The following NFIA variants were observed in gnomAD, a reference collection of about 807,000 sequenced individuals.
NFIA encodes the protein nuclear factor 1 A-type.
In NFIA, 8 loss-of-function variants were observed where a neutral mutation model predicts 62.8. That is an observed-to-expected ratio of 0.13 (90% CI 0.07 to 0.23). The LOEUF is 0.23. Among genes scored for constraint, NFIA ranks in the 10% least tolerant of loss-of-function variants. NFIA has a pLI of 1.00. For synonymous variants in NFIA, 235 were observed against 238.1 expected (o/e 0.99, Z 0.12); for missense variants, 410 against 642.1 (o/e 0.64, Z 3.91).
At position 61,288,831 on chromosome 1, in the gene NFIA, G is replaced by A. The variant is rs141298883; in HGVS notation, c.625+11246G>A. Among the ~76,000 whole-genome samples, 489 of 152,276 alleles carry A rather than the reference G, an allele frequency of 3.2e-3. 5 individuals carry two copies. The highest frequency in any genetic ancestry group is 0.011 in the African/African-American group (460 of 41,560). ...TGCCTAGGCTGGAGTGCAGTGGTAT[G>A]ATCATGGCTCACTGCAGCCTCAACC... On this transcript the variant is annotated intron_variant, in intron 3 of 10. Coordinates refer to ENST00000403491, the MANE Select transcript of NFIA (RefSeq NM_001134673.4).
At chr1:61,421,955 T>C (rs967738794) in intron 9 of NFIA, among the ~76,000 whole-genome samples, 21 of 152,208 alleles carry the variant, frequency 1.4e-4, no homozygotes, top group African/African-American at 4.8e-4. Flanking sequence ...ATTAATATTA[T>C]TTTTATCTTA....
At chr1:61,281,436 G>A (rs772783205) in intron 3 of NFIA, among the ~76,000 whole-genome samples, 1 of 152,200 alleles carries the variant, frequency 6.6e-6, no homozygotes, top group Non-Finnish European at 1.5e-5. Flanking sequence ...AAAGCTGGGA[G>A]CCTTGGAGTG....
rs144790774 is a variant in NFIA, at chr1:61,363,840, T to C, written c.946+4566T>C. Among the ~76,000 whole-genome samples, 121 of 152,202 alleles carry C rather than the reference T, an allele frequency of 7.9e-4. 2 individuals carry two copies. Among genetic ancestry groups the C allele is most frequent in the East Asian group, 6.2e-3 (32 of 5,182 alleles). On this transcript the variant is annotated intron_variant, in intron 6 of 10. Transcript: ENST00000403491. ...CTCAGCAGTTAGGTCTTTGTTCAAA[T>C]AGTAGCTCATCACACAGGCCCTCAG...
At chr1:61,407,235 G>A (rs1174922665) in intron 9 of NFIA, among the ~76,000 whole-genome samples, 1 of 152,170 alleles carries the variant, frequency 6.6e-6, no homozygotes, top group Non-Finnish European at 1.5e-5. Flanking sequence ...GAGCCTGGCA[G>A]AAGATCAATG....
chr1:61,451,551 TCCCTCCCCACTC>T (rs968501479), intron 10 of NFIA, among the ~76,000 whole-genome samples: 4 of 152,174 alleles, frequency 2.6e-5, no homozygotes, highest in African/African-American at 9.6e-5. Flanking sequence ...TCACCCCACT[TCCCTCCCCACTC>T]CCGCTCAGCA....
At chr1:61,295,545 G>A (rs1313064531) in intron 3 of NFIA, among the ~76,000 whole-genome samples, 1 of 152,116 alleles carries the variant, frequency 6.6e-6, no homozygotes, top group Non-Finnish European at 1.5e-5. Context: ...ATTGGAGCTT[G>A]GCAAGTGCAA....
chr1:61,234,991 G>A (rs1298689506), intron 2 of NFIA, among the ~76,000 whole-genome samples: 1 of 152,112 alleles, frequency 6.6e-6, no homozygotes, highest in Non-Finnish European at 1.5e-5. Flanking sequence ...CTTCCTGGTA[G>A]GTCCTGTCTT....
intron 2 of NFIA, among the ~76,000 whole-genome samples, chr1:61,123,028 C>G (rs542604127): frequency 2.6e-4 from 40 of 152,328 alleles, no homozygotes; most frequent in African/African-American, 9.6e-4. Flanking sequence ...TGTGGGACTT[C>G]TAACCCCTAA....
At chr1:61,255,046 A>C (rs990590588) in intron 2 of NFIA, among the ~76,000 whole-genome samples, 1 of 152,216 alleles carries the variant, frequency 6.6e-6, no homozygotes, top group Non-Finnish European at 1.5e-5. Flanking sequence ...AGAAGCCCAG[A>C]GGCTGTATAT....
At position 61,143,526 on chromosome 1, in the gene NFIA, G is replaced by T. The variant is rs185142176; in HGVS notation, c.559+54846G>T. ...CACCTCAGCCTCCCAGGTAACTGGG[G>T]CTACAGGTGTCTGCCACCACACCTG... is the stretch of plus-strand genomic sequence containing the variant. On this transcript the variant is annotated intron_variant, in intron 2 of 10. Transcript: ENST00000403491. 9.5e-4 allele frequency among the ~76,000 whole-genome samples: 144 copies of T among 152,114 alleles called. 4 individuals carry two copies. In the East Asian group the frequency reaches 0.018, roughly 19 times the overall value.
In NFIA at chr1:61,383,289, C is replaced by T. The variant is rs1335074938; in HGVS notation, c.999C>T (p.Ser333=). ...AGTCGGAGAAGTCTGGTTTCAGCAG[C>T]CCCTCCCCTTCACAGACCTCCTCCC... is the stretch of plus-strand genomic sequence containing the variant. ...LKKSEKSGFS[S]PSPSQTSSLG... The change falls in exon 7 of 11, where the codon AGC becomes AGT. Residue 333 remains serine (S), a synonymous_variant. Transcript: ENST00000403491. The T allele has an allele frequency of 6.2e-7, 1 of 1,613,930 alleles. No homozygotes were observed. The highest frequency in any genetic ancestry group is 8.5e-7 in the Non-Finnish European group (1 of 1,179,946).
chr1:61,152,043 A>G (rs1280607659), intron 2 of NFIA, among the ~76,000 whole-genome samples: 2 of 152,110 alleles, frequency 1.3e-5, no homozygotes, highest in Non-Finnish European at 1.5e-5. Flanking sequence ...AAATGTATGT[A>G]TCTTCCATTT....
chr1:61,309,117 A>G (rs770022933), intron 3 of NFIA, among the ~76,000 whole-genome samples: 1 of 152,014 alleles, frequency 6.6e-6, no homozygotes, highest in Non-Finnish European at 1.5e-5. Context: ...CCTTTCCTCC[A>G]ATTTTCCTTA....
At chr1:61,350,947 G>A (rs1570622474) in intron 4 of NFIA, among the ~76,000 whole-genome samples, 1 of 152,182 alleles carries the variant, frequency 6.6e-6, no homozygotes, top group East Asian at 1.9e-4. Flanking sequence ...TAGGAATGCA[G>A]ATGGTCCCCA....
chr1:61,130,032 T>C (rs1334223647), intron 2 of NFIA, among the ~76,000 whole-genome samples: 2 of 152,102 alleles, frequency 1.3e-5, no homozygotes, highest in African/African-American at 2.4e-5. Context: ...AAGAAGACCC[T>C]TCTTTGGTTT....
In NFIA at chr1:61,320,206, C is replaced by A. The variant is rs572940751; in HGVS notation, c.626-12306C>A. Among the ~76,000 whole-genome samples, 10 of 152,184 alleles carry A rather than the reference C, an allele frequency of 6.6e-5. No homozygotes were observed. In the South Asian group the frequency reaches 2.1e-3, roughly 32 times the overall value. ...CCTCCATTGTGCTAACACGACATGG[C>A]CTGAACAGTCTAATTCATTCTGTTA... is the stretch of plus-strand genomic sequence containing the variant. On this transcript the variant is annotated intron_variant, in intron 3 of 10. Coordinates refer to ENST00000403491, the MANE Select transcript of NFIA (RefSeq NM_001134673.4).
chr1:61,160,109 A>G (rs574846545), intron 2 of NFIA, among the ~76,000 whole-genome samples: 27 of 152,310 alleles, frequency 1.8e-4, no homozygotes, highest in African/African-American at 6.3e-4. Context: ...GGGGCCTGGA[A>G]CTGTGAGGCA....
At chr1:61,113,306 T>C (rs1646736308) in intron 2 of NFIA, among the ~76,000 whole-genome samples, 1 of 151,960 alleles carries the variant, frequency 6.6e-6, no homozygotes, top group Non-Finnish European at 1.5e-5. Flanking sequence ...AGAATATGTT[T>C]GGTGGGCCAG....
chr1:61,379,114 T>C (rs1664283956), intron 6 of NFIA, among the ~76,000 whole-genome samples: 1 of 152,200 alleles, frequency 6.6e-6, no homozygotes, highest in African/African-American at 2.4e-5. Flanking sequence ...TAATATAACC[T>C]ATTCACAAGA....
Sources: gnomAD v4.1 joint callset for allele counts (sites outside exome capture counted in the v4.1 genomes callset) on GRCh38, gnomAD v4.1.1 for gene constraint, MANE v1.5 for transcripts, NCBI Gene and HGNC (gene_info 2026-07-23, HGNC 2026-07-21) for gene names.